Variants in ZCCHC8 observed in about 807,000 individuals in gnomAD.
The protein encoded by ZCCHC8 is zinc finger CCHC domain-containing protein 8.
ZCCHC8 carries 27 observed loss-of-function variants against 70.6 expected under a neutral mutation model. The ratio of observed to expected loss-of-function variants is 0.38; its 90% CI spans 0.28 to 0.53. The LOEUF (loss-of-function observed/expected upper bound fraction) is 0.53, where lower values mean the gene tolerates loss of function less well. ZCCHC8 is among the 20% of genes least tolerant of loss of function. The pLI is 0.81. For missense variants in ZCCHC8, 737 were observed against 876.9 expected (o/e 0.84, Z 2.01); for synonymous variants, 293 against 317.4 (o/e 0.92, Z 0.82).
chr12:122,490,804 C>T lies in ZCCHC8; in HGVS notation c.318-237G>A, dbSNP rs1319877101. On this transcript the variant is annotated intron_variant, in intron 3 of 13. Coordinates refer to ENST00000633063, the MANE Select transcript of ZCCHC8 (RefSeq NM_017612.5). ...AGTGATTGGCATAACAACTGCCAAC[C>T]AGTTGTGCAAAGAATACACGGATTT... The T allele has an allele frequency of 1.9e-5, 6 of 321,532 alleles. No individual in the cohort carries two copies. The Admixed American group carries it at 2.9e-4, about 15-fold the overall frequency. The allele number at this position is 321,532 out of a possible 1,614,324, so 19.9% of individuals were successfully genotyped here. A position where few individuals can be genotyped will look rare whatever the true frequency, so the allele number is the denominator to read the frequency against.
intron 3 of ZCCHC8, among the ~76,000 whole-genome samples, chr12:122,491,828 C>CA (rs11314331): frequency 4.0e-3 from 491 of 123,598 alleles, no homozygotes; most frequent in East Asian, 0.035. Flanking sequence ...AACTCCATCT[C>CA]AAAAAAAAAA....
chr12:122,499,792 A>G, intron 1 of ZCCHC8: 1 of 152,792 alleles, frequency 6.5e-6, no homozygotes. Context: ...CAGTGAGCCG[A>G]GATCGCGCCA....
intron 10 of ZCCHC8, 50 bp from the exon 11 acceptor site, chr12:122,480,361 C>A (rs374227720): frequency 4.9e-5 from 72 of 1,479,610 alleles, no homozygotes; most frequent in African/African-American, 3.8e-4. Flanking sequence ...CAATATATAT[C>A]CCTCCCCAGA....
At chr12:122,484,926 T>C (rs1402411225) in intron 5 of ZCCHC8, among the ~76,000 whole-genome samples, 1 of 152,112 alleles carries the variant, frequency 6.6e-6, no homozygotes, top group Non-Finnish European at 1.5e-5. Context: ...GCTTCTCCGT[T>C]CTCTTCTTTC....
Position 122,483,012 on chromosome 12 carries a change from G to A in ZCCHC8, c.671+267C>T. The A allele has an allele frequency of 1.9e-6, 1 of 524,584 alleles. No homozygotes were observed. Among genetic ancestry groups the A allele is most frequent in the African/African-American group, 1.9e-5 (1 of 52,454 alleles). The allele number at this position is 524,584 out of a possible 1,614,324, so 32.5% of individuals were successfully genotyped here. A position where few individuals can be genotyped will look rare whatever the true frequency, so the allele number is the denominator to read the frequency against. ...TTCCGTTAGGTAACATGGAAAGAAG[G>A]CAGATGGTTATAAGACTGCAATCAA... On this transcript the variant is annotated intron_variant, in intron 7 of 13. Coordinates refer to ENST00000633063, the MANE Select transcript of ZCCHC8 (RefSeq NM_017612.5). This position sits in a 1 kb window ranked among gnomAD's most constrained non-coding sequence, Gnocchi z 4.4.
rs1175281765 is a variant in ZCCHC8 at position 122,490,534 on chromosome 12, T to C, written c.351A>G (p.Ser117=). Residue 117 remains serine, a synonymous_variant, in exon 4 of 14, where the codon TCA becomes TCG. Transcript: ENST00000633063. ...GTTCCTCAAATCTTTTTACTAAATT[T>C]GATACAAATTCCTCTATTTCTTGAT... The part of the protein sequence containing the change: ...QYHQEIEEFV[S]NLVKRFEEQQ... The C allele has an allele frequency of 1.2e-6, 2 of 1,611,104 alleles. No homozygotes were observed. The highest frequency in any genetic ancestry group is 2.2e-5 in the South Asian group (2 of 90,704).
chr12:122,482,985 AT>A (rs1395338132), intron 7 of ZCCHC8: 2 of 521,816 alleles, frequency 3.8e-6, no homozygotes, highest in East Asian at 6.3e-5. Context: ...CATTGATCAT[AT>A]TTCCGTTAGG....
chr12:122,482,999 A>C (rs1369545661), intron 7 of ZCCHC8: 1 of 525,100 alleles, frequency 1.9e-6, no homozygotes, highest in Non-Finnish European at 3.3e-6. Flanking sequence ...CCGTTAGGTA[A>C]CATGGAAAGA....
Position 122,498,889 on chromosome 12 carries a change from G to A in ZCCHC8, c.200-20C>T, listed in dbSNP as rs913539830. 1 of 1,608,150 alleles carries A rather than the reference G, an allele frequency of 6.2e-7. No individual in the cohort carries two copies. Among genetic ancestry groups the A allele is most frequent in the African/African-American group, 1.3e-5 (1 of 74,816 alleles). ...CTTGATGTTATTATTTGTTAAGGAA[G>A]ATAAGCCCTCATTTAACAATGCAAA... On this transcript the variant is annotated intron_variant, in intron 1 of 13. Coordinates refer to ENST00000633063, the MANE Select transcript of ZCCHC8 (RefSeq NM_017612.5).
intron 2 of ZCCHC8, among the ~76,000 whole-genome samples, chr12:122,496,554 G>A (rs1406156131): frequency 1.3e-5 from 2 of 152,128 alleles, no homozygotes; most frequent in East Asian, 3.8e-4. Context: ...TGACTTTTAT[G>A]AGGAATCCTA....
chr12:122,492,721 A>T lies in ZCCHC8; in HGVS notation c.311T>A (p.Ile104Asn). ...AAGGGAAAAAATTACTTACTTTGAA[A>T]TAGCATTGTTCATGAATAGAATCTG... Reference protein sequence around the residue: ...ILQILFMNNAISKQYHQEIEE... With the variant: ...ILQILFMNNANSKQYHQEIEE... The change falls in exon 3 of 14, where the codon ATT becomes AAT. Residue 104 changes from isoleucine to asparagine, a missense_variant. Ile to Asn is a moderately radical substitution (Grantham distance 149, BLOSUM62 -3). Transcript: ENST00000633063. The T allele has an allele frequency of 6.5e-7, 1 of 1,534,562 alleles. No homozygotes were observed. Among genetic ancestry groups the T allele is most frequent in the Non-Finnish European group, 8.8e-7 (1 of 1,132,976 alleles).
At chr12:122,496,544 T>C (rs752276022) in intron 2 of ZCCHC8, among the ~76,000 whole-genome samples, 1 of 152,228 alleles carries the variant, frequency 6.6e-6, no homozygotes, top group South Asian at 2.1e-4. Context: ...ATAAAAATTA[T>C]GACTTTTATG....
chr12:122,480,407 C>A, intron 10 of ZCCHC8, 96 bp from the exon 11 acceptor site: 1 of 1,060,938 alleles, frequency 9.4e-7, no homozygotes, highest in Non-Finnish European at 1.3e-6. Context: ...ATAATCATGG[C>A]AACAGAATTA....
At position 122,474,157 on chromosome 12, in the gene ZCCHC8, G is replaced by T; in HGVS notation, c.1464C>A (p.Leu488=). 2 of 1,513,728 alleles carry T rather than the reference G, an allele frequency of 1.3e-6. No individual in the cohort carries two copies. Among genetic ancestry groups the T allele is most frequent in the Non-Finnish European group, 1.8e-6 (2 of 1,138,056 alleles). The allele number at this position is 1,513,728 out of a possible 1,614,324, so 93.8% of individuals were successfully genotyped here. A position where few individuals can be genotyped will look rare whatever the true frequency, so the allele number is the denominator to read the frequency against. ...GTPPPVFTPP[L]PKGTPPLTPS... ...GAGTCAGCGGCGGGGTGCCCTTTGG[G>T]AGTGGAGGGGTGAAGACGGGTGGAG... Residue 488 remains leucine, a synonymous_variant, in exon 14 of 14, where the codon CTC becomes CTA. Transcript: ENST00000633063.
chr12:122,500,447 T>A lies in ZCCHC8; in HGVS notation c.199+195A>T. 1 of 710,336 alleles carries A rather than the reference T, an allele frequency of 1.4e-6. No homozygotes were observed. Among genetic ancestry groups the A allele is most frequent in the Non-Finnish European group, 2.3e-6 (1 of 442,604 alleles). The allele number at this position is 710,336 out of a possible 1,614,324, so 44.0% of individuals were successfully genotyped here. On this transcript the variant is annotated intron_variant, in intron 1 of 13. Transcript: ENST00000633063. The surrounding 1 kb of genome is among the most constrained non-coding windows in gnomAD (Gnocchi z 4.8). ...ACGGCCTCCCTGAGGGGAAGAGGTC[T>A]GCGCCGAGGCAGCCTGCGCGCCCCG...
intron 13 of ZCCHC8, among the ~76,000 whole-genome samples, chr12:122,475,372 C>T (rs1452343072): frequency 1.3e-5 from 2 of 152,160 alleles, no homozygotes; most frequent in Non-Finnish European, 2.9e-5. Context: ...ATCTACACTG[C>T]TCGCCTGAAC....
intron 11 of ZCCHC8, among the ~76,000 whole-genome samples, chr12:122,478,755 C>G (rs1321685029): frequency 1.3e-5 from 2 of 152,134 alleles, no homozygotes; most frequent in African/African-American, 4.8e-5. Context: ...CATCTCCAAT[C>G]GCACATTCAA....
In ZCCHC8 at chr12:122,498,874, T is replaced by C. The variant is rs1957871666; in HGVS notation, c.200-5A>G. The C allele has an allele frequency of 4.3e-6, 7 of 1,612,822 alleles. No individual in the cohort carries two copies. In the South Asian group the frequency reaches 6.6e-5, roughly 15 times the overall value. On this transcript the variant is annotated splice_polypyrimidine_tract_variant and splice_region_variant and intron_variant, in intron 1 of 13. Coordinates refer to ENST00000633063, the MANE Select transcript of ZCCHC8 (RefSeq NM_017612.5). ...ATTTTCGTTTAAGTTCTTGATGTTA[T>C]TATTTGTTAAGGAAGATAAGCCCTC... is the stretch of plus-strand genomic sequence containing the variant.
At chr12:122,489,989 A>G (rs1392010299) in intron 4 of ZCCHC8, among the ~76,000 whole-genome samples, 1 of 151,970 alleles carries the variant, frequency 6.6e-6, no homozygotes, top group East Asian at 1.9e-4. Flanking sequence ...ATAAAAAAAA[A>G]AAAGACCCAG....
Sources: allele counts gnomAD v4.1 joint callset (sites outside exome capture counted in the v4.1 genomes callset), GRCh38; gene constraint gnomAD v4.1.1; non-coding constraint Gnocchi (gnomAD v3.1); transcripts MANE v1.5; gene names NCBI Gene and HGNC (gene_info 2026-07-23, HGNC 2026-07-21).